The following PTPRE variants were observed in gnomAD, a reference collection of about 807,000 sequenced individuals.
PTPRE encodes receptor-type tyrosine-protein phosphatase epsilon.
A neutral mutation model predicts 102.0 loss-of-function variants in PTPRE; 51 were observed. The observed-to-expected ratio is 0.50, with a 90% CI of 0.40 to 0.63. The LOEUF is 0.63. Among genes scored for constraint, PTPRE ranks in the 30% least tolerant of loss-of-function variants. The pLI, the probability that PTPRE is intolerant of heterozygous loss-of-function variation, is 0.00. For synonymous variants in PTPRE, 345 were observed against 348.2 expected, an observed-to-expected ratio of 0.99 and a Z score of 0.10; for missense variants, 752 against 915.1, an observed-to-expected ratio of 0.82 and a Z score of 2.30.
chr10:127,995,623 C>T (rs1401767812), intron 2 of PTPRE, among the ~76,000 whole-genome samples: 1 of 152,084 alleles, frequency 6.6e-6, no homozygotes, highest in East Asian at 1.9e-4. Flanking sequence ...GTTTAAACAC[C>T]GATATGAAAA....
chr10:127,994,451 C>A (rs1410221900), intron 2 of PTPRE, among the ~76,000 whole-genome samples: 2 of 152,232 alleles, frequency 1.3e-5, no homozygotes, highest in African/African-American at 4.8e-5. Context: ...TTCTCACCCG[C>A]AAGAACGCAG....
Position 127,915,350 on chromosome 10 carries a change from A to G in PTPRE, c.-31+8041A>G, listed in dbSNP as rs895397566. 3.9e-5 allele frequency among the ~76,000 whole-genome samples: 6 copies of G among 152,194 alleles called. No homozygotes were observed. The East Asian group carries it at 1.2e-3, about 29-fold the overall frequency. On this transcript the variant is annotated intron_variant, in intron 1 of 20. Coordinates refer to ENST00000254667, the MANE Select transcript of PTPRE (RefSeq NM_006504.6). ...TCTTTCTGAAAGCAACCTTAGTTTC[A>G]TAAACAGTTGGACATTTAAGTACTG...
intron 8 of PTPRE, 119 bp downstream of exon 8, chr10:128,061,134 G>A: frequency 1.1e-6 from 1 of 951,178 alleles, no homozygotes; most frequent in Non-Finnish European, 1.6e-6. Flanking sequence ...TTGGCCACAA[G>A]CACAAAGGGT....
chr10:128,060,994 C>T lies in PTPRE; in HGVS notation c.567C>T (p.Tyr189=). The T allele has an allele frequency of 6.2e-7, 1 of 1,614,188 alleles. No homozygotes were observed. Among genetic ancestry groups the T allele is most frequent in the South Asian group, 1.1e-5 (1 of 91,088 alleles). Residue 189 remains tyrosine (Y), a synonymous_variant, in exon 8 of 21, where the codon TAC becomes TAT. Coordinates refer to ENST00000254667, the MANE Select transcript of PTPRE (RefSeq NM_006504.6). ...TGGATGGAATTCCCTGTTCAGACTA[C>T]ATCAATGCTTCCTACATAGATGTAA... ...SQLDGIPCSD[Y]INASYIDGYK... is the part of the protein sequence containing the mutation.
rs576892525 is a variant in PTPRE at position 128,073,134 on chromosome 10, C to T, written c.1465-203C>T. ...GATGACCTCAGGGGCTGACGGTGGC[C>T]GTTATGGTTTCAGATAAGCGAGCTT... On this transcript the variant is annotated intron_variant, in intron 16 of 20. Coordinates refer to ENST00000254667, the MANE Select transcript of PTPRE (RefSeq NM_006504.6). Among the ~76,000 whole-genome samples the T allele has an allele frequency of 5.3e-5, 8 of 152,192 alleles. No individual in the cohort carries two copies. In the South Asian group the frequency reaches 1.5e-3, roughly 28 times the overall value.
At chr10:128,071,794 T>C in intron 15 of PTPRE, 1 of 205,414 alleles carries the variant, frequency 4.9e-6, no homozygotes, top group Non-Finnish European at 9.8e-6. Context: ...CCCTTGGTTT[T>C]CTGGGGCCCC....
intron 17 of PTPRE, among the ~76,000 whole-genome samples, chr10:128,075,194 C>G (rs1039683860): frequency 3.9e-5 from 6 of 152,196 alleles, no homozygotes; most frequent in South Asian, 2.1e-4. Flanking sequence ...CAAACTATAT[C>G]CTGCATTAGC....
intron 2 of PTPRE, among the ~76,000 whole-genome samples, chr10:128,027,972 A>C (rs535061539): frequency 6.6e-6 from 1 of 152,280 alleles, no homozygotes; most frequent in Admixed American, 6.5e-5. Flanking sequence ...GTGAGGTGGG[A>C]CACCAGCACG....
intron 2 of PTPRE, among the ~76,000 whole-genome samples, chr10:128,033,789 C>T (rs1231065451): frequency 2.0e-5 from 3 of 152,186 alleles, no homozygotes; most frequent in African/African-American, 4.8e-5. Context: ...GGATTACAGG[C>T]GTGCACCACA....
intron 2 of PTPRE, among the ~76,000 whole-genome samples, chr10:127,996,312 G>A (rs907903963): frequency 6.6e-6 from 1 of 152,332 alleles, no homozygotes; most frequent in East Asian, 1.9e-4. Flanking sequence ...CTCGAAAGCT[G>A]GCCCGTCAAA....
chr10:127,976,576 C>T (rs1851196700), intron 1 of PTPRE, among the ~76,000 whole-genome samples: 1 of 152,172 alleles, frequency 6.6e-6, no homozygotes, highest in Admixed American at 6.5e-5. Flanking sequence ...CTGTCATAGA[C>T]TGGCAAAAAG....
At position 127,969,317 on chromosome 10, in the gene PTPRE, G is replaced by C. The variant is rs373805250; in HGVS notation, c.-30-12957G>C. On this transcript the variant is annotated intron_variant, in intron 1 of 20. Coordinates refer to ENST00000254667, the MANE Select transcript of PTPRE (RefSeq NM_006504.6). ...ACAGTGCTGTTGCTGGGCTCGGGACGTGGAGAGGGCAGGGGCCGTGAAGAC... is the reference window on the plus strand; with the variant it reads ...ACAGTGCTGTTGCTGGGCTCGGGACCTGGAGAGGGCAGGGGCCGTGAAGAC... Among the ~76,000 whole-genome samples, 52 of 152,326 alleles carry C rather than the reference G, an allele frequency of 3.4e-4. No individual in the cohort carries two copies. The South Asian group carries it at 0.01, about 30-fold the overall frequency.
chr10:128,079,127 C>T (rs1212975280), intron 19 of PTPRE, among the ~76,000 whole-genome samples: 1 of 152,152 alleles, frequency 6.6e-6, no homozygotes, highest in Non-Finnish European at 1.5e-5. Flanking sequence ...AGAAGACACC[C>T]CTGGCACAGT....
intron 2 of PTPRE, among the ~76,000 whole-genome samples, chr10:127,994,207 A>T (rs1853009749): frequency 6.6e-6 from 1 of 152,178 alleles, no homozygotes; most frequent in Non-Finnish European, 1.5e-5. Flanking sequence ...TGAGGGTCAG[A>T]GCCCTGCAGG....
intron 2 of PTPRE, among the ~76,000 whole-genome samples, chr10:128,027,664 C>T (rs548668167): frequency 5.3e-5 from 8 of 152,170 alleles, no homozygotes; most frequent in Non-Finnish European, 4.4e-5. Flanking sequence ...GAAAGGTATC[C>T]GGGCATCATT....
chr10:127,971,601 A>G (rs1459722750), intron 1 of PTPRE, among the ~76,000 whole-genome samples: 1 of 152,240 alleles, frequency 6.6e-6, no homozygotes, highest in Non-Finnish European at 1.5e-5. Flanking sequence ...GGAGTAAGGA[A>G]GGTCAGATGT....
chr10:128,080,148 G>A (rs940555025), intron 20 of PTPRE, among the ~76,000 whole-genome samples: 6 of 152,154 alleles, frequency 3.9e-5, no homozygotes, highest in Non-Finnish European at 7.3e-5. Flanking sequence ...TCAAGATACC[G>A]TCCACGGGCT....
chr10:128,070,883 G>A lies in PTPRE; in HGVS notation c.1369G>A (p.Val457Ile). 3 of 1,613,984 alleles carry A rather than the reference G, an allele frequency of 1.9e-6. No homozygotes were observed. Among genetic ancestry groups the A allele is most frequent in the South Asian group, 1.1e-5 (1 of 91,080 alleles). Residue 457 changes from valine to isoleucine, a missense_variant, in exon 15 of 21, where the codon GTC becomes ATC. Physicochemically the swap from Val to Ile is conservative, Grantham distance 29. This residue lies in a region of PTPRE where 636 missense variants were observed against 824.4 expected (regional missense o/e 0.77). Coordinates refer to ENST00000254667, the MANE Select transcript of PTPRE (RefSeq NM_006504.6). This position sits in a 1 kb window ranked among gnomAD's most constrained non-coding sequence, Gnocchi z 4.8. ...NLPANMKKAR[V>I]IQIIPYDFNR... The stretch of plus-strand genomic sequence containing the variant: ...GCCGGCAAACATGAAGAAGGCCAGG[G>A]TCATCCAGATCATCCCGTGTAAGGC...
At chr10:128,010,590 T>TCTTTTCTTTTCTTTTCTTTC (rs1004427789) in intron 2 of PTPRE, among the ~76,000 whole-genome samples, 5 of 150,006 alleles carry the variant, frequency 3.3e-5, no homozygotes, top group African/African-American at 1.0e-4. Context: ...TCTTTTCTTT[T>TCTTTTCTTTTCTTTTCTTTC]CTTTCCTTTT....
Sources: allele counts gnomAD v4.1 joint callset (sites outside exome capture counted in the v4.1 genomes callset), GRCh38; gene constraint gnomAD v4.1.1; regional missense constraint gnomAD v4.1.1; non-coding constraint Gnocchi (gnomAD v3.1); transcripts MANE v1.5; gene names NCBI Gene and HGNC (gene_info 2026-07-23, HGNC 2026-07-21).